SORCS3: variants seen among roughly 807,000 people sequenced by gnomAD.
SORCS3 encodes the protein sortilin related VPS10 domain containing receptor 3.
SORCS3 carries 57 observed loss-of-function variants against 146.3 expected under a neutral mutation model. That is an observed-to-expected ratio of 0.39 (90% CI 0.31 to 0.49). SORCS3 has a LOEUF of 0.49. SORCS3 is among the 20% of genes least tolerant of loss of function. SORCS3 has a pLI of 0.92. For missense variants in SORCS3, 1,341 were observed against 1,575.5 expected (o/e 0.85, Z 2.52); for synonymous variants, 653 against 618.5 (o/e 1.06, Z -0.83).
intron 1 of SORCS3, among the ~76,000 whole-genome samples, chr10:104,663,997 G>A (rs1040933544): frequency 2.0e-5 from 3 of 152,208 alleles, no homozygotes; most frequent in Admixed American, 2.0e-4. Flanking sequence ...AGAATGACAG[G>A]ATATATGGGC....
intron 3 of SORCS3, among the ~76,000 whole-genome samples, chr10:104,922,428 C>G (rs1407134288): frequency 1.3e-5 from 2 of 152,162 alleles, no homozygotes; most frequent in African/African-American, 4.8e-5. Context: ...AAGAAAATGA[C>G]TGCTACATAG....
intron 1 of SORCS3, among the ~76,000 whole-genome samples, chr10:104,765,719 C>T (rs1230081128): frequency 1.3e-5 from 2 of 152,184 alleles, no homozygotes; most frequent in African/African-American, 4.8e-5. Flanking sequence ...CCAAAGCTCT[C>T]GCACTATGCC....
At chr10:104,933,260 A>G (rs1018315365) in intron 3 of SORCS3, among the ~76,000 whole-genome samples, 7 of 151,356 alleles carry the variant, frequency 4.6e-5, no homozygotes, top group African/African-American at 1.7e-4. Flanking sequence ...AGTCCTTTCT[A>G]TCTTGCTGCT....
chr10:105,128,802 C>A (rs920676421), intron 7 of SORCS3, among the ~76,000 whole-genome samples: 5 of 152,142 alleles, frequency 3.3e-5, no homozygotes, highest in African/African-American at 1.2e-4. Context: ...TGGGAACATA[C>A]CATAGGTCTA....
intron 1 of SORCS3, among the ~76,000 whole-genome samples, chr10:104,712,525 G>A (rs2016430575): frequency 6.6e-6 from 1 of 152,222 alleles, no homozygotes; most frequent in Non-Finnish European, 1.5e-5. Flanking sequence ...CAGGTTGGGG[G>A]AGAGCTGTAG....
rs914173461 is a variant in SORCS3, at chr10:104,864,222, G to A, written c.695+21363G>A. On this transcript the variant is annotated intron_variant, in intron 2 of 26. Transcript: ENST00000369701. Reference sequence around the variant, plus strand: ...ATCTTGCCCAGAGGTGTCAGAAATTGTTAAATGTTTATAAAAGCCTTAAAA... The same window carrying A: ...ATCTTGCCCAGAGGTGTCAGAAATTATTAAATGTTTATAAAAGCCTTAAAA... Among the ~76,000 whole-genome samples, 7 of 152,238 alleles carry A rather than the reference G, an allele frequency of 4.6e-5. No individual in the cohort carries two copies. The South Asian group carries it at 1.0e-3, about 23-fold the overall frequency.
intron 23 of SORCS3, among the ~76,000 whole-genome samples, chr10:105,255,186 CAAAAA>C (rs35150065): frequency 4.9e-4 from 16 of 32,660 alleles, no homozygotes; most frequent in African/African-American, 1.9e-3. Flanking sequence ...GACTCAGTCT[CAAAAA>C]AAAAAAAAAA....
intron 22 of SORCS3, among the ~76,000 whole-genome samples, chr10:105,250,589 A>G (rs1027347576): frequency 3.3e-5 from 5 of 152,134 alleles, no homozygotes; most frequent in African/African-American, 1.2e-4. Context: ...GGGTCACACC[A>G]GTCAAGGCAC....
At chr10:105,083,483 C>A (rs1262522012) in intron 5 of SORCS3, among the ~76,000 whole-genome samples, 1 of 152,108 alleles carries the variant, frequency 6.6e-6, no homozygotes, top group African/African-American at 2.4e-5. Flanking sequence ...ACCTGCTTGG[C>A]ATATCTGAGC....
intron 1 of SORCS3, among the ~76,000 whole-genome samples, chr10:104,821,416 G>A (rs564345763): frequency 3.3e-5 from 5 of 152,264 alleles, no homozygotes; most frequent in African/African-American, 1.2e-4. Flanking sequence ...GAGAAGGGCA[G>A]GAAGAGAACA....
chr10:104,992,252 C>T (rs930607287), intron 4 of SORCS3, among the ~76,000 whole-genome samples: 2 of 152,006 alleles, frequency 1.3e-5, no homozygotes, highest in African/African-American at 4.8e-5. Flanking sequence ...TGACCCTGGA[C>T]AAGATTAGGA....
intron 20 of SORCS3, among the ~76,000 whole-genome samples, chr10:105,226,445 G>T (rs2056734470): frequency 6.6e-6 from 1 of 151,748 alleles, no homozygotes; most frequent in Non-Finnish European, 1.5e-5. Context: ...ACGTGCTGTT[G>T]GATTCAGTTT....
chr10:104,994,758 A>G (rs2055014471), intron 4 of SORCS3, among the ~76,000 whole-genome samples: 1 of 152,120 alleles, frequency 6.6e-6, no homozygotes, highest in Non-Finnish European at 1.5e-5. Context: ...TTTGTGATTG[A>G]TTTATGTTGT....
chr10:105,067,853 C>T (rs551589265), intron 5 of SORCS3, among the ~76,000 whole-genome samples: 1 of 152,004 alleles, frequency 6.6e-6, no homozygotes, highest in Non-Finnish European at 1.5e-5. Flanking sequence ...TTTTTACCTT[C>T]CTGACCATCC....
At chr10:105,116,743 A>G (rs2055896259) in intron 7 of SORCS3, among the ~76,000 whole-genome samples, 1 of 152,148 alleles carries the variant, frequency 6.6e-6, no homozygotes, top group African/African-American at 2.4e-5. Flanking sequence ...AGCAACATGG[A>G]TGGAGCTGGA....
intron 16 of SORCS3, 103 bp downstream of exon 16, chr10:105,201,356 G>C: frequency 1.5e-6 from 2 of 1,348,216 alleles, no homozygotes; most frequent in African/African-American, 2.9e-5. Context: ...ATGACGCAGA[G>C]ATAGGAGGTG....
At chr10:105,156,247 A>G (rs1000641697) in intron 9 of SORCS3, among the ~76,000 whole-genome samples, 2 of 152,234 alleles carry the variant, frequency 1.3e-5, no homozygotes, top group African/African-American at 4.8e-5. Flanking sequence ...GAAACATGCT[A>G]TAACTTCTAT....
chr10:105,193,182 C>A (rs977508827), intron 14 of SORCS3, among the ~76,000 whole-genome samples: 1 of 152,104 alleles, frequency 6.6e-6, no homozygotes, highest in Admixed American at 6.6e-5. Context: ...AGGGTCCCAG[C>A]AAATCATATT....
At chr10:104,869,666 A>G (rs2018498367) in intron 2 of SORCS3, among the ~76,000 whole-genome samples, 1 of 152,232 alleles carries the variant, frequency 6.6e-6, no homozygotes, top group African/African-American at 2.4e-5. Context: ...CACACCATGA[A>G]CCATGTTTAA....
Sources: gnomAD v4.1 joint callset for allele counts (sites outside exome capture counted in the v4.1 genomes callset) on GRCh38, gnomAD v4.1.1 for gene constraint, MANE v1.5 for transcripts, NCBI Gene and HGNC (gene_info 2026-07-23, HGNC 2026-07-21) for gene names.